Variants in PDE10A observed in about 807,000 individuals in gnomAD.
The protein encoded by PDE10A is phosphodiesterase 10A.
In PDE10A, 39 loss-of-function variants were observed where a neutral mutation model predicts 97.7. That is an observed-to-expected ratio of 0.40 (90% confidence interval 0.31 to 0.52). The LOEUF (loss-of-function observed/expected upper bound fraction) is 0.52, where lower values mean the gene tolerates loss of function less well. PDE10A is among the 20% of genes least tolerant of loss of function. The pLI, the probability that PDE10A is intolerant of heterozygous loss-of-function variation, is 0.56. For synonymous variants in PDE10A, 371 were observed against 376.8 expected, an observed-to-expected ratio of 0.98 and a Z score of 0.18; for missense variants, 731 against 1,047.8, an observed-to-expected ratio of 0.70 and a Z score of 4.17.
intron 1 of PDE10A, among the ~76,000 whole-genome samples, chr6:165,966,777 T>C (rs1307647672): frequency 5.3e-5 from 8 of 152,336 alleles, no homozygotes. Flanking sequence ...ATAATGCATG[T>C]ATTTATTTCA....
intron 1 of PDE10A, among the ~76,000 whole-genome samples, chr6:165,643,279 A>G (rs1479712388): frequency 1.3e-5 from 2 of 152,000 alleles, no homozygotes; most frequent in East Asian, 3.9e-4. Flanking sequence ...AGACGAGCAG[A>G]CAGACAGATG....
chr6:165,577,379 G>A (rs1785364386), intron 1 of PDE10A, among the ~76,000 whole-genome samples: 1 of 152,266 alleles, frequency 6.6e-6, no homozygotes, highest in African/African-American at 2.4e-5. Flanking sequence ...CCCATGCCCG[G>A]CTGGCATTCC....
chr6:165,802,772 C>T (rs1779017089), intron 1 of PDE10A, among the ~76,000 whole-genome samples: 1 of 152,228 alleles, frequency 6.6e-6, no homozygotes, highest in South Asian at 2.1e-4. Flanking sequence ...ATATGTTGTA[C>T]CTTGAATCCC....
chr6:165,529,857 T>C (rs1484039611), intron 2 of PDE10A, among the ~76,000 whole-genome samples: 1 of 152,168 alleles, frequency 6.6e-6, no homozygotes, highest in Non-Finnish European at 1.5e-5. Flanking sequence ...GTGTATGGGT[T>C]CAAGTTGACA....
chr6:165,943,288 A>AAGG (rs1291693842), intron 1 of PDE10A, among the ~76,000 whole-genome samples: 1 of 102,316 alleles, frequency 9.8e-6, no homozygotes, highest in Admixed American at 8.8e-5. Context: ...AGAAAGAAAG[A>AAGG]AAGAAGGAAA....
At chr6:165,568,159 T>C (rs574766519) in intron 1 of PDE10A, among the ~76,000 whole-genome samples, 275 of 152,028 alleles carry the variant, frequency 1.8e-3, no homozygotes, top group Non-Finnish European at 3.2e-3. Flanking sequence ...CCACCACGCC[T>C]GGCTAATTTT....
At chr6:165,908,133 G>A (rs957958708) in intron 1 of PDE10A, among the ~76,000 whole-genome samples, 2 of 152,190 alleles carry the variant, frequency 1.3e-5, no homozygotes, top group African/African-American at 2.4e-5. Flanking sequence ...GCTAAGTTTT[G>A]CAGCCCCAGA....
chr6:165,634,288 G>A (rs977341563), intron 1 of PDE10A, among the ~76,000 whole-genome samples: 1 of 152,106 alleles, frequency 6.6e-6, no homozygotes, highest in Non-Finnish European at 1.5e-5. Context: ...GGTTGTTGAG[G>A]AGTGTGCGGA....
intron 13 of PDE10A, among the ~76,000 whole-genome samples, chr6:165,410,232 T>TAAAAA (rs1787633853): frequency 6.6e-6 from 1 of 152,218 alleles, no homozygotes; most frequent in Admixed American, 6.5e-5. Context: ...TTTCCTAAAA[T>TAAAAA]ATTAAAGGTG....
Position 165,418,576 on chromosome 6 carries a change from G to A in PDE10A, c.1796+59C>T, listed in dbSNP as rs1283746178. 2 of 1,515,004 alleles carry A rather than the reference G, an allele frequency of 1.3e-6. No homozygotes were observed. The highest frequency in any genetic ancestry group is 1.8e-6 in the Non-Finnish European group (2 of 1,106,416). The allele number at this position is 1,515,004 out of a possible 1,614,324, so 93.8% of individuals were successfully genotyped here. A position where few individuals can be genotyped will look rare whatever the true frequency, so the allele number is the denominator to read the frequency against. On this transcript the variant is annotated intron_variant, in intron 11 of 21. Coordinates refer to ENST00000539869, the MANE Select transcript of PDE10A (RefSeq NM_001385079.1). This position sits in a 1 kb window ranked among gnomAD's most constrained non-coding sequence, Gnocchi z 4.8. ...CCTGTGAATAGGCACAGAAAAATGG[G>A]TAACGGAACGCCTGCACATCTACCG...
intron 1 of PDE10A, among the ~76,000 whole-genome samples, chr6:165,813,612 G>A (rs2874945): frequency 0.28 from 41,896 of 152,052 alleles, 6,520 homozygotes; most frequent in Non-Finnish European, 0.34. Context: ...ATCTGTAAAC[G>A]GTAAGGTAAT....
chr6:165,586,158 G>C (rs956714842), intron 1 of PDE10A, among the ~76,000 whole-genome samples: 2 of 152,194 alleles, frequency 1.3e-5, no homozygotes, highest in Non-Finnish European at 2.9e-5. Flanking sequence ...AGGCCGAACA[G>C]AGCTCATATC....
upstream of PDE10A, among the ~76,000 whole-genome samples, chr6:165,664,202 T>C (rs1257898296): frequency 6.6e-6 from 1 of 152,056 alleles, no homozygotes; most frequent in Non-Finnish European, 1.5e-5. Flanking sequence ...AGCAACTGGG[T>C]TGACCCAGGG....
upstream of PDE10A, among the ~76,000 whole-genome samples, chr6:165,663,337 G>T (rs1027957195): frequency 6.6e-6 from 1 of 152,014 alleles, no homozygotes; most frequent in African/African-American, 2.4e-5. Context: ...CCAGGCTCCC[G>T]CACCCGAGTG....
intron 1 of PDE10A, among the ~76,000 whole-genome samples, chr6:165,722,598 G>A (rs560766511): frequency 3.9e-5 from 6 of 152,234 alleles, no homozygotes; most frequent in African/African-American, 7.2e-5. Flanking sequence ...TTATGTGAGC[G>A]TGCTCTCTAT....
chr6:165,956,897 G>A (rs1222576603), intron 1 of PDE10A, among the ~76,000 whole-genome samples: 1 of 152,172 alleles, frequency 6.6e-6, no homozygotes, highest in Non-Finnish European at 1.5e-5. Flanking sequence ...TGACTGCATG[G>A]GCCACTATTC....
chr6:165,900,733 C>G (rs1782080341), intron 1 of PDE10A, among the ~76,000 whole-genome samples: 1 of 152,198 alleles, frequency 6.6e-6, no homozygotes. Context: ...AGTTTACTTC[C>G]CCCTTCTAGG....
intron 1 of PDE10A, chr6:165,774,777 A>G (rs1239186020): frequency 6.8e-6 from 1 of 148,092 alleles, no homozygotes; most frequent in Middle Eastern, 3.3e-3. Context: ...ACAAAATTAT[A>G]GTTCCTCATT....
chr6:165,676,389 A>G (rs907296483), intron 1 of PDE10A, among the ~76,000 whole-genome samples: 5 of 152,304 alleles, frequency 3.3e-5, no homozygotes, highest in Non-Finnish European at 7.3e-5. Context: ...AAAAGTAAAC[A>G]TTTTCAACAG....
Sources: gnomAD v4.1 joint callset for allele counts (sites outside exome capture counted in the v4.1 genomes callset) on GRCh38, gnomAD v4.1.1 for gene constraint, Gnocchi (gnomAD v3.1) non-coding constraint, MANE v1.5 for transcripts, NCBI Gene and HGNC (gene_info 2026-07-23, HGNC 2026-07-21) for gene names.